ELOVL6: variants seen among roughly 807,000 people sequenced by gnomAD.
ELOVL6 encodes the protein ELOVL fatty acid elongase 6, also known as very long chain fatty acid elongase 6.
A neutral mutation model predicts 31.7 loss-of-function variants in ELOVL6; 8 were observed. The observed-to-expected ratio is 0.25, with a 90% CI of 0.15 to 0.45. The LOEUF (loss-of-function observed/expected upper bound fraction) is 0.45. Among genes scored for constraint, ELOVL6 ranks in the 20% least tolerant of loss-of-function variants. ELOVL6 has a pLI of 1.00. For missense variants in ELOVL6, 126 were observed against 326.4 expected, an observed-to-expected ratio of 0.39 and a Z score of 4.73; for synonymous variants, 101 against 117.7, an observed-to-expected ratio of 0.86 and a Z score of 0.92.
intron 1 of ELOVL6, among the ~76,000 whole-genome samples, chr4:110,180,390 G>GTATT (rs36067435): frequency 0.38 from 57,952 of 151,586 alleles, 11,329 homozygotes; most frequent in South Asian, 0.51. Context: ...ATGTATGTAT[G>GTATT]TATTTATAGG....
intron 2 of ELOVL6, chr4:110,092,956 T>C: frequency 3.4e-6 from 1 of 296,240 alleles, no homozygotes; most frequent in Non-Finnish European, 6.7e-6. Context: ...GGTGTTATTA[T>C]ACTTACATCT....
chr4:110,124,737 G>C (rs368185783), intron 1 of ELOVL6, among the ~76,000 whole-genome samples: 2 of 151,578 alleles, frequency 1.3e-5, no homozygotes, highest in Non-Finnish European at 2.9e-5. Flanking sequence ...TGTGTTTATT[G>C]TTCTTTCAGG....
intron 1 of ELOVL6, among the ~76,000 whole-genome samples, chr4:110,141,119 A>C (rs552941759): frequency 6.6e-6 from 1 of 152,198 alleles, no homozygotes; most frequent in Non-Finnish European, 1.5e-5. Context: ...GCTGGAGTGC[A>C]ATGGCACGAT....
intron 1 of ELOVL6, among the ~76,000 whole-genome samples, chr4:110,172,570 G>A (rs998300128): frequency 6.6e-6 from 1 of 152,044 alleles, no homozygotes; most frequent in Non-Finnish European, 1.5e-5. Context: ...ATCCATCCCA[G>A]GTACATGGAT....
At chr4:110,116,819 G>T (rs552680275) in intron 1 of ELOVL6, among the ~76,000 whole-genome samples, 1 of 152,316 alleles carries the variant, frequency 6.6e-6, no homozygotes, top group East Asian at 1.9e-4. Flanking sequence ...CAATGGTCAA[G>T]TATCAGTCTT....
rs186410047 is a variant in ELOVL6, at chr4:110,066,837, T to C, written c.222-7083A>G. On this transcript the variant is annotated intron_variant, in intron 2 of 3. Coordinates refer to ENST00000302274, the MANE Select transcript of ELOVL6 (RefSeq NM_024090.3). ...ATAGGTATACATGTGCCATGGTGGT[T>C]TGCTGCACCCATCAACGCATCATCT... Among the ~76,000 whole-genome samples the C allele has an allele frequency of 2.3e-3, 347 of 152,128 alleles. 1 individual carries two copies. Among genetic ancestry groups the C allele is most frequent in the African/African-American group, 8.0e-3 (333 of 41,490 alleles).
intron 1 of ELOVL6, among the ~76,000 whole-genome samples, chr4:110,188,100 A>G (rs1283914859): frequency 6.6e-6 from 1 of 152,164 alleles, no homozygotes; most frequent in Non-Finnish European, 1.5e-5. Flanking sequence ...GTGGGTGGCT[A>G]TTTACAAGTA....
At chr4:110,061,549 CTTTTTTTTT>C (rs57846282) in intron 2 of ELOVL6, among the ~76,000 whole-genome samples, 5,902 of 72,430 alleles carry the variant, frequency 0.081, 295 homozygotes, top group East Asian at 0.2. Flanking sequence ...CAAATGATGG[CTTTTTTTTT>C]TTTTTTTTTT....
intron 1 of ELOVL6, among the ~76,000 whole-genome samples, chr4:110,197,426 G>T (rs745385990): frequency 4.8e-4 from 73 of 152,206 alleles, no homozygotes; most frequent in Non-Finnish European, 9.0e-4. Context: ...TCCTAGGGAA[G>T]AGCCCCTAAG....
At chr4:110,087,832 A>T (rs76766853) in intron 2 of ELOVL6, among the ~76,000 whole-genome samples, 4,750 of 149,448 alleles carry the variant, frequency 0.032, 109 homozygotes, top group East Asian at 0.11. Context: ...CCTATTTTCT[A>T]GTTGGTTTTC....
intron 1 of ELOVL6, among the ~76,000 whole-genome samples, chr4:110,158,657 A>ATATATATATATATTTTTTTT: frequency 2.7e-5 from 2 of 74,162 alleles, no homozygotes; most frequent in Admixed American, 1.5e-4. Context: ...ATATATATAT[A>ATATATATATATATTTTTTTT]TTTTTTTTTT....
intron 1 of ELOVL6, among the ~76,000 whole-genome samples, chr4:110,109,852 G>T (rs1756981552): frequency 6.6e-6 from 1 of 152,178 alleles, no homozygotes; most frequent in African/African-American, 2.4e-5. Context: ...TTGGGAAGCT[G>T]GCCTGAGCTC....
Position 110,111,356 on chromosome 4 carries a change from T to G in ELOVL6, c.90-5728A>C, listed in dbSNP as rs997144493. Among the ~76,000 whole-genome samples, 315 of 67,038 alleles carry G rather than the reference T, an allele frequency of 4.7e-3. 1 individual carries two copies. The highest frequency in any genetic ancestry group is 0.013 in the Admixed American group (71 of 5,662). 44.0% of individuals were successfully genotyped at this position (67,038 alleles called of 152,430 possible). On this transcript the variant is annotated intron_variant, in intron 1 of 3. Transcript: ENST00000302274. ...TCAATTCCCTTTGTTTCCTTAGAAT[T>G]CCTTTTTTTTTTTCAGTAGCTGATG...
chr4:110,100,002 T>C (rs1208693752), intron 2 of ELOVL6, among the ~76,000 whole-genome samples: 2 of 152,160 alleles, frequency 1.3e-5, no homozygotes, highest in Admixed American at 6.6e-5. Flanking sequence ...CCAGAATTGT[T>C]CTCAGCATTT....
At chr4:110,145,966 CA>C (rs1384374930) in intron 1 of ELOVL6, among the ~76,000 whole-genome samples, 3 of 152,112 alleles carry the variant, frequency 2.0e-5, no homozygotes, top group African/African-American at 4.8e-5. Flanking sequence ...ATTAAAATAT[CA>C]ACATCATTTT....
At chr4:110,092,969 GTA>G (rs1756467605) in intron 2 of ELOVL6, 10 of 292,516 alleles carry the variant, frequency 3.4e-5, no homozygotes, top group South Asian at 3.1e-4. Flanking sequence ...TTACATCTAA[GTA>G]TATTACATCC....
intron 1 of ELOVL6, among the ~76,000 whole-genome samples, chr4:110,116,275 C>T (rs918052541): frequency 3.3e-5 from 5 of 152,314 alleles, no homozygotes; most frequent in South Asian, 2.1e-4. Flanking sequence ...TAAACTAAAT[C>T]GTAAGATCTA....
chr4:110,058,545 T>G (rs1755057242), intron 3 of ELOVL6, among the ~76,000 whole-genome samples: 1 of 152,126 alleles, frequency 6.6e-6, no homozygotes, highest in Non-Finnish European at 1.5e-5. Context: ...TCTATCTGAA[T>G]GGACACGGGG....
At chr4:110,154,163 A>G (rs1758352878) in intron 1 of ELOVL6, among the ~76,000 whole-genome samples, 1 of 152,166 alleles carries the variant, frequency 6.6e-6, no homozygotes, top group Non-Finnish European at 1.5e-5. Context: ...CACAGCCTTC[A>G]CATTCTAGGC....
Sources: allele counts gnomAD v4.1 joint callset (sites outside exome capture counted in the v4.1 genomes callset), GRCh38; gene constraint gnomAD v4.1.1; transcripts MANE v1.5; gene names NCBI Gene and HGNC (gene_info 2026-07-23, HGNC 2026-07-21).